Variants in PARD3B observed in about 807,000 individuals in gnomAD.
PARD3B encodes the protein partitioning defective 3 homolog B.
Under a neutral mutation model 130.2 loss-of-function variants are expected in PARD3B, and 103 were observed. The observed-to-expected ratio is 0.79, with a 90% confidence interval of 0.67 to 0.93. The LOEUF (loss-of-function observed/expected upper bound fraction) is 0.93, where lower values mean the gene tolerates loss of function less well. Among genes scored for constraint, PARD3B ranks in the 40% least tolerant of loss-of-function variants. The pLI, the probability that PARD3B is intolerant of heterozygous loss-of-function variation, is 0.00. For synonymous variants in PARD3B, 583 were observed against 553.2 expected (o/e 1.05, Z -0.76); for missense variants, 1,609 against 1,499.2 (o/e 1.07, Z -1.21).
intron 1 of PARD3B, among the ~76,000 whole-genome samples, chr2:204,645,661 T>C (rs2035246181): frequency 2.6e-5 from 4 of 152,130 alleles, no homozygotes; most frequent in African/African-American, 9.6e-5. Context: ...CTTGTATTAG[T>C]ACTTTCTACC....
chr2:205,586,581 T>C (rs1474827942), intron 22 of PARD3B, among the ~76,000 whole-genome samples: 1 of 152,084 alleles, frequency 6.6e-6, no homozygotes, highest in East Asian at 1.9e-4. Flanking sequence ...GCCATCTTTA[T>C]ACATAGCCTT....
At chr2:205,107,512 G>T (rs1287867149) in intron 5 of PARD3B, among the ~76,000 whole-genome samples, 1 of 152,178 alleles carries the variant, frequency 6.6e-6, no homozygotes, top group Admixed American at 6.5e-5. Flanking sequence ...AATTGCTATT[G>T]CCATTATCAT....
chr2:204,778,165 G>A lies in PARD3B; in HGVS notation c.222+91883G>A, dbSNP rs944823638. On this transcript the variant is annotated intron_variant, in intron 2 of 22. Coordinates refer to ENST00000406610, the MANE Select transcript of PARD3B (RefSeq NM_001302769.2). Reference sequence around the variant, plus strand: ...CTCTATCAAAAAAAAAAAAAAAAAAGATCGTCATCTTGTTCCTCTATATTC... The same window carrying A: ...CTCTATCAAAAAAAAAAAAAAAAAAAATCGTCATCTTGTTCCTCTATATTC... Among the ~76,000 whole-genome samples the A allele has an allele frequency of 1.6e-4, 22 of 137,108 alleles. No individual in the cohort carries two copies. In the East Asian group the frequency reaches 4.7e-3, roughly 29 times the overall value. 89.9% of individuals were successfully genotyped at this position (137,108 alleles called of 152,430 possible).
intron 3 of PARD3B, among the ~76,000 whole-genome samples, chr2:204,994,674 G>C (rs566409638): frequency 1.3e-4 from 20 of 151,898 alleles, no homozygotes; most frequent in African/African-American, 4.1e-4. Context: ...AATGTTGACA[G>C]TGGGGTGTTA....
At chr2:204,715,587 C>T (rs2038681404) in intron 2 of PARD3B, among the ~76,000 whole-genome samples, 1 of 151,750 alleles carries the variant, frequency 6.6e-6, no homozygotes. Context: ...CTTTTGTGAC[C>T]AAACTTATGT....
chr2:205,436,400 A>T (rs1006072365), intron 19 of PARD3B, among the ~76,000 whole-genome samples: 3 of 152,040 alleles, frequency 2.0e-5, no homozygotes, highest in African/African-American at 4.8e-5. Context: ...CAAATGTTTG[A>T]GAGTGTTTTT....
rs2041954193 is a variant in PARD3B at position 205,300,480 on chromosome 2, CCA to C, written c.2186-46_2186-45del. The C allele has an allele frequency of 6.8e-7, 1 of 1,476,628 alleles. No homozygotes were observed. The highest frequency in any genetic ancestry group is 1.7e-5 in the Admixed American group (1 of 59,466). 91.5% of individuals were successfully genotyped at this position (1,476,628 alleles called of 1,614,324 possible). On this transcript the variant is annotated intron_variant, in intron 16 of 22. Coordinates refer to ENST00000406610, the MANE Select transcript of PARD3B (RefSeq NM_001302769.2). This position sits in a 1 kb window ranked among gnomAD's most constrained non-coding sequence, Gnocchi z 4.1. ...ATATTCTTAGAACAATAGCATTACA[CCA>C]CACTGCCCCATTAGAAGAGGGGTGA...
At chr2:205,426,733 T>C (rs574727617) in intron 19 of PARD3B, among the ~76,000 whole-genome samples, 1 of 152,144 alleles carries the variant, frequency 6.6e-6, no homozygotes, top group Non-Finnish European at 1.5e-5. Context: ...ACAAAATAAA[T>C]CAAGAAATAG....
chr2:205,489,569 C>CATATATACATATATAT (rs753440209), intron 20 of PARD3B, among the ~76,000 whole-genome samples: 8 of 133,766 alleles, frequency 6.0e-5, no homozygotes, highest in South Asian at 2.3e-4. Flanking sequence ...CATATATATA[C>CATATATACATATATAT]ACACACACAC....
intron 1 of PARD3B, among the ~76,000 whole-genome samples, chr2:204,680,499 T>G (rs900655113): frequency 4.6e-5 from 7 of 152,066 alleles, no homozygotes; most frequent in African/African-American, 1.4e-4. Flanking sequence ...AAGCTTTTCA[T>G]AAAACCAACT....
At chr2:205,267,842 T>G (rs2040570613) in intron 16 of PARD3B, among the ~76,000 whole-genome samples, 1 of 152,210 alleles carries the variant, frequency 6.6e-6, no homozygotes, top group African/African-American at 2.4e-5. Context: ...TCCTTCAGTC[T>G]GATGTTTGGT....
chr2:205,594,257 C>T (rs35579569), intron 22 of PARD3B, among the ~76,000 whole-genome samples: 24,594 of 152,184 alleles, frequency 0.16, 2,524 homozygotes, highest in East Asian at 0.31. Flanking sequence ...AGCTCCTATC[C>T]GAGGTCCCTT....
chr2:204,632,228 C>G (rs184586192), intron 1 of PARD3B, among the ~76,000 whole-genome samples: 10 of 152,234 alleles, frequency 6.6e-5, no homozygotes, highest in African/African-American at 9.6e-5. Context: ...GCCTTGCTCC[C>G]CTTTTGCCTT....
intron 4 of PARD3B, chr2:205,048,441 T>C (rs1247257616): frequency 6.6e-6 from 1 of 152,226 alleles, no homozygotes; most frequent in African/African-American, 2.4e-5. Flanking sequence ...TTTGAAGAGC[T>C]GTAATTGTGA....
Position 205,021,217 on chromosome 2 carries a change from TA to T in PARD3B, c.395-26363del, listed in dbSNP as rs1298890789. On this transcript the variant is annotated intron_variant, in intron 3 of 22. Coordinates refer to ENST00000406610, the MANE Select transcript of PARD3B (RefSeq NM_001302769.2). This position sits in a 1 kb window ranked among gnomAD's most constrained non-coding sequence, Gnocchi z 4.5. ...GGATGTCCTGAAAAGCACTATTTTATATAGTTTGGTAGAAATACATCCACAC... is the reference window on the plus strand; with the variant it reads ...GGATGTCCTGAAAAGCACTATTTTATTAGTTTGGTAGAAATACATCCACAC... 3.9e-5 allele frequency among the ~76,000 whole-genome samples: 6 copies of T among 152,326 alleles called. No homozygotes were observed. Among genetic ancestry groups the T allele is most frequent in the African/African-American group, 1.4e-4 (6 of 41,576 alleles).
At chr2:205,378,493 A>G (rs1299677473) in intron 18 of PARD3B, among the ~76,000 whole-genome samples, 1 of 152,204 alleles carries the variant, frequency 6.6e-6, no homozygotes, top group Admixed American at 6.5e-5. Context: ...GTTTACATTC[A>G]GAATAGAAAA....
chr2:204,572,589 G>T (rs190661848), intron 1 of PARD3B, among the ~76,000 whole-genome samples: 125 of 152,286 alleles, frequency 8.2e-4, no homozygotes, highest in African/African-American at 2.8e-3. Flanking sequence ...TAAAAGAGAT[G>T]TCTAGTTATT....
chr2:205,095,724 C>T (rs964847844), intron 4 of PARD3B, among the ~76,000 whole-genome samples: 1 of 152,038 alleles, frequency 6.6e-6, no homozygotes, highest in Admixed American at 6.6e-5. Context: ...CAGCTTAAGT[C>T]AACTTTTACA....
At chr2:205,095,231 C>T (rs1702327476) in intron 4 of PARD3B, among the ~76,000 whole-genome samples, 1 of 151,886 alleles carries the variant, frequency 6.6e-6, no homozygotes. Context: ...TATAGGAAAA[C>T]TAGGGGAAAA....
Sources: allele counts gnomAD v4.1 joint callset (sites outside exome capture counted in the v4.1 genomes callset), GRCh38; gene constraint gnomAD v4.1.1; non-coding constraint Gnocchi (gnomAD v3.1); transcripts MANE v1.5; gene names NCBI Gene and HGNC (gene_info 2026-07-23, HGNC 2026-07-21).